The following PTPRG variants were observed in gnomAD, a reference collection of about 807,000 sequenced individuals.
The protein encoded by PTPRG is receptor-type tyrosine-protein phosphatase gamma.
PTPRG carries 102 observed loss-of-function variants against 165.3 expected under a neutral mutation model. That is an observed-to-expected ratio of 0.62 (90% CI 0.53 to 0.73). The LOEUF is 0.73. PTPRG is among the 30% of genes least tolerant of loss of function. PTPRG has a pLI of 0.00. For synonymous variants in PTPRG, 675 were observed against 669.5 expected, an observed-to-expected ratio of 1.01 and a Z score of -0.13; for missense variants, 1,866 against 1,861.4, an observed-to-expected ratio of 1.00 and a Z score of -0.05.
At chr3:61,911,044 C>T (rs1426779403) in intron 2 of PTPRG, among the ~76,000 whole-genome samples, 1 of 152,228 alleles carries the variant, frequency 6.6e-6, no homozygotes, top group Non-Finnish European at 1.5e-5. Context: ...TCTGCATCCT[C>T]TTTCACCTGG....
At chr3:62,156,479 T>A (rs1283611581) in intron 6 of PTPRG, among the ~76,000 whole-genome samples, 1 of 152,244 alleles carries the variant, frequency 6.6e-6, no homozygotes, top group Non-Finnish European at 1.5e-5. Flanking sequence ...CCATTCTTTT[T>A]AAATTTCTAG....
chr3:61,781,510 C>T (rs909623513), intron 2 of PTPRG, among the ~76,000 whole-genome samples: 1 of 152,144 alleles, frequency 6.6e-6, no homozygotes, highest in Non-Finnish European at 1.5e-5. Context: ...TACATCCTGA[C>T]CTCTCCACTG....
intron 6 of PTPRG, among the ~76,000 whole-genome samples, chr3:62,137,462 G>A (rs1323736645): frequency 6.6e-6 from 1 of 152,178 alleles, no homozygotes; most frequent in East Asian, 1.9e-4. Context: ...AACTTTTGAA[G>A]CCTTAGGTTG....
At chr3:61,613,424 T>C (rs1559524486) in intron 1 of PTPRG, among the ~76,000 whole-genome samples, 1 of 152,236 alleles carries the variant, frequency 6.6e-6, no homozygotes, top group Non-Finnish European at 1.5e-5. Flanking sequence ...TCAGCACTGC[T>C]GTCACAATTA....
At chr3:62,164,568 A>G (rs1490519805) in intron 7 of PTPRG, among the ~76,000 whole-genome samples, 2 of 152,286 alleles carry the variant, frequency 1.3e-5, no homozygotes, top group East Asian at 1.9e-4. Flanking sequence ...CCAGTTGACA[A>G]TATAATATCA....
Position 62,195,247 on chromosome 3 carries a change from G to C in PTPRG, c.1327+77G>C. 1 of 1,297,008 alleles carries C rather than the reference G, an allele frequency of 7.7e-7. No individual in the cohort carries two copies. The highest frequency in any genetic ancestry group is 1.1e-6 in the Non-Finnish European group (1 of 895,284). 80.3% of individuals were successfully genotyped at this position (1,297,008 alleles called of 1,614,324 possible). A position where few individuals can be genotyped will look rare whatever the true frequency, so the allele number is the denominator to read the frequency against. ...AATGCTTTCTGCTTCTTCCTGCTCA[G>C]GTGCTGGGGAAAAATACAAACAAGC... On this transcript the variant is annotated intron_variant, in intron 10 of 29. Coordinates refer to ENST00000474889, the MANE Select transcript of PTPRG (RefSeq NM_002841.4). This position sits in a 1 kb window ranked among gnomAD's most constrained non-coding sequence, Gnocchi z 4.4.
At chr3:61,701,894 GAGAGAGAGAGGGA>G (rs1176267815) in intron 1 of PTPRG, among the ~76,000 whole-genome samples, 1 of 151,692 alleles carries the variant, frequency 6.6e-6, no homozygotes, top group Non-Finnish European at 1.5e-5. Flanking sequence ...GTCTAAAAAA[GAGAGAGAGAGGGA>G]AGAGAAAGAG....
intron 2 of PTPRG, among the ~76,000 whole-genome samples, chr3:61,761,573 G>A (rs913141166): frequency 2.7e-5 from 4 of 146,648 alleles, no homozygotes; most frequent in African/African-American, 7.5e-5. Flanking sequence ...GTGAGACTCC[G>A]CCTCAAAACA....
intron 1 of PTPRG, among the ~76,000 whole-genome samples, chr3:61,588,199 C>A (rs1700481800): frequency 6.6e-6 from 1 of 151,978 alleles, no homozygotes; most frequent in African/African-American, 2.4e-5. Flanking sequence ...AGTTATGCGT[C>A]CTGTTTCTGA....
At chr3:62,256,670 T>C (rs999678964) in intron 16 of PTPRG, among the ~76,000 whole-genome samples, 1 of 152,188 alleles carries the variant, frequency 6.6e-6, no homozygotes, top group Non-Finnish European at 1.5e-5. Flanking sequence ...TTTAACAACG[T>C]TGATGGTATT....
At chr3:61,772,557 T>A (rs2034241592) in intron 2 of PTPRG, among the ~76,000 whole-genome samples, 1 of 152,198 alleles carries the variant, frequency 6.6e-6, no homozygotes, top group Non-Finnish European at 1.5e-5. Context: ...ATGATTATAA[T>A]CTTTGTACAT....
intron 1 of PTPRG, among the ~76,000 whole-genome samples, chr3:61,565,610 A>G (rs988640995): frequency 1.3e-5 from 2 of 148,960 alleles, no homozygotes; most frequent in Admixed American, 6.8e-5. Context: ...AGCTCAGCAG[A>G]TTTTTTTTTT....
chr3:62,185,078 A>G (rs933890758), intron 8 of PTPRG, among the ~76,000 whole-genome samples: 2 of 152,102 alleles, frequency 1.3e-5, no homozygotes, highest in African/African-American at 4.8e-5. Context: ...TATCCTTGAC[A>G]TTGATTTAGG....
chr3:61,684,347 C>A (rs943536661), intron 1 of PTPRG, among the ~76,000 whole-genome samples: 2 of 152,140 alleles, frequency 1.3e-5, no homozygotes, highest in Non-Finnish European at 1.5e-5. Flanking sequence ...CATTAGGGAG[C>A]GGGTTGCCTG....
chr3:62,159,036 T>C (rs1225652350), intron 7 of PTPRG, among the ~76,000 whole-genome samples: 1 of 152,070 alleles, frequency 6.6e-6, no homozygotes, highest in Non-Finnish European at 1.5e-5. Flanking sequence ...CTTGAAAGAT[T>C]GAAAGGTTTA....
At chr3:61,851,653 A>G (rs1304973124) in intron 2 of PTPRG, among the ~76,000 whole-genome samples, 2 of 152,230 alleles carry the variant, frequency 1.3e-5, no homozygotes, top group Non-Finnish European at 2.9e-5. Context: ...CTTAACATTT[A>G]AAGCACATTT....
At chr3:62,092,439 G>GGAAAAA (rs369183881) in intron 5 of PTPRG, among the ~76,000 whole-genome samples, 39 of 89,428 alleles carry the variant, frequency 4.4e-4, no homozygotes, top group East Asian at 2.9e-3. Flanking sequence ...GAGTCCATCT[G>GGAAAAA]AAAAAAAAAA....
chr3:61,787,561 C>T (rs2034745247), intron 2 of PTPRG, among the ~76,000 whole-genome samples: 2 of 152,178 alleles, frequency 1.3e-5, no homozygotes, highest in Admixed American at 1.3e-4. Flanking sequence ...CGGGACAGTA[C>T]AGTTACTGAA....
chr3:61,662,985 A>G (rs530198573), intron 1 of PTPRG, among the ~76,000 whole-genome samples: 1 of 152,242 alleles, frequency 6.6e-6, no homozygotes, highest in South Asian at 2.1e-4. Flanking sequence ...TAGTTTTCAC[A>G]ACCATTGAAA....
Sources: allele counts gnomAD v4.1 joint callset (sites outside exome capture counted in the v4.1 genomes callset), GRCh38; gene constraint gnomAD v4.1.1; non-coding constraint Gnocchi (gnomAD v3.1); transcripts MANE v1.5; gene names NCBI Gene and HGNC (gene_info 2026-07-23, HGNC 2026-07-21).